Variants in ZNF582 observed in about 807,000 individuals in gnomAD.
The protein encoded by ZNF582 is zinc finger protein 582.
A neutral mutation model predicts 12.3 loss-of-function variants in ZNF582; 14 were observed. That is an observed-to-expected ratio of 1.14 (90% CI 0.75 to 1.78). The LOEUF (loss-of-function observed/expected upper bound fraction) is 1.78, where lower values mean the gene tolerates loss of function less well. Among genes scored for constraint, ZNF582 ranks in the 40% most tolerant of loss-of-function variants. ZNF582 has a pLI of 0.00. For missense variants in ZNF582, 567 were observed against 616.5 expected, an observed-to-expected ratio of 0.92 and a Z score of 0.85; for synonymous variants, 210 against 207.2, an observed-to-expected ratio of 1.01 and a Z score of -0.11.
intron 4 of ZNF582, among the ~76,000 whole-genome samples, chr19:56,389,502 A>G (rs915085597): frequency 6.6e-6 from 1 of 152,144 alleles, no homozygotes; most frequent in African/African-American, 2.4e-5. Flanking sequence ...GAGCGGGACA[A>G]CACACATGGG....
At chr19:56,393,350 G>T in exon 1 of ZNF582, 1 of 1,003,722 alleles carries the variant, frequency 1.0e-6, no homozygotes, top group Non-Finnish European at 1.4e-6. Flanking sequence ...GAGGCGAGAC[G>T]TCTGCGTTCT....
exon 5 of ZNF582, chr19:56,384,010 A>G (rs750582581): frequency 2.8e-5 from 45 of 1,613,900 alleles, no homozygotes; most frequent in Non-Finnish European, 3.6e-5. Context: ...GCATTCTCTG[A>G]GGTTGAACGG....
At position 56,383,807 on chromosome 19, in the gene ZNF582, T is replaced by C. The variant is rs978638346; in HGVS notation, c.*56A>G. ...CTGAATGAAGGCATTGTCACTGGCA[T>C]TACATTCTTCAAGTCTTTCTCCAAG... On this transcript the variant is annotated 3_prime_UTR_variant, in exon 5 of 5. Transcript: ENST00000586929. The C allele has an allele frequency of 2.7e-6, 4 of 1,496,908 alleles. No individual in the cohort carries two copies. In the East Asian group the frequency reaches 7.0e-5, roughly 26 times the overall value. 92.7% of individuals were successfully genotyped at this position (1,496,908 alleles called of 1,614,324 possible).
At chr19:56,391,665 G>T in intron 2 of ZNF582, 79 bp downstream of exon 2, 1 of 1,366,018 alleles carries the variant, frequency 7.3e-7, no homozygotes, top group Non-Finnish European at 1.0e-6. Context: ...GAAAGTCTGA[G>T]AACCAAATTT....
At chr19:56,384,236 G>C (rs1454463189) in exon 5 of ZNF582, 1 of 1,613,860 alleles carries the variant, frequency 6.2e-7, no homozygotes, top group East Asian at 2.2e-5. Flanking sequence ...ACATTGGTAG[G>C]GTTTCTCTCC....
exon 5 of ZNF582, chr19:56,382,911 A>G (rs143231094): frequency 2.0e-4 from 31 of 152,296 alleles, no homozygotes; most frequent in African/African-American, 7.2e-4. Flanking sequence ...AGCTTCAGGC[A>G]TCATGTTCTT....
chr19:56,385,163 G>T lies in ZNF582; in HGVS notation c.254C>A (p.Thr85Asn), dbSNP rs199764895. 2 of 1,603,236 alleles carry T rather than the reference G, an allele frequency of 1.2e-6. No individual in the cohort carries two copies. The highest frequency in any genetic ancestry group is 1.3e-5 in the African/African-American group (1 of 74,652). The change falls in exon 5 of 5, where the codon ACC (threonine) becomes AAC (asparagine). Residue 85 changes from threonine (T) to asparagine (N), a missense_variant. Coordinates refer to ENST00000586929, the Ensembl canonical transcript of ZNF582. Reference sequence around the variant, plus strand: ...ATGCTGCTTTGGAAATAATTCCTTGGTATCATATCTGGACTCCAATACTAA... The same window carrying T: ...ATGCTGCTTTGGAAATAATTCCTTGTTATCATATCTGGACTCCAATACTAA...
chr19:56,388,579 C>T (rs1249423258), intron 4 of ZNF582, among the ~76,000 whole-genome samples: 1 of 152,168 alleles, frequency 6.6e-6, no homozygotes, highest in Non-Finnish European at 1.5e-5. Flanking sequence ...AGTGCTTTCC[C>T]TCTGCCCACA....
At chr19:56,385,877 G>A (rs532485328) in intron 4 of ZNF582, among the ~76,000 whole-genome samples, 1 of 152,264 alleles carries the variant, frequency 6.6e-6, no homozygotes, top group African/African-American at 2.4e-5. Context: ...TGATTGAGGT[G>A]ATGGTTATGT....
At chr19:56,386,712 A>G (rs1348730058) in intron 4 of ZNF582, 2 of 152,242 alleles carry the variant, frequency 1.3e-5, no homozygotes, top group Non-Finnish European at 2.9e-5. Flanking sequence ...ATGCTCAGCT[A>G]ATTTTTGTGC....
rs554653575 is a variant in ZNF582, at chr19:56,390,866, T to C, written c.10-365A>G. ...TCACTTCTATCTTTTGGAATAACAA[T>C]AACAACAAAAAATATTTCTGATGGA... On this transcript the variant is annotated intron_variant, in intron 2 of 4. Transcript: ENST00000586929. Among the ~76,000 whole-genome samples the C allele has an allele frequency of 2.9e-4, 44 of 152,274 alleles. No homozygotes were observed. In the South Asian group the frequency reaches 8.3e-3, roughly 29 times the overall value.
At chr19:56,389,861 G>A (rs1236806843) in intron 4 of ZNF582, 140 bp downstream of exon 4, 15 of 621,730 alleles carry the variant, frequency 2.4e-5, no homozygotes, top group Non-Finnish European at 3.4e-5. Context: ...AAATGCTGCT[G>A]ACGAGCTGAG....
rs193266951 is a variant in ZNF582 at position 56,391,937 on chromosome 19, G to C, written c.-80-105C>G. The C allele has an allele frequency of 4.3e-4, 407 of 945,758 alleles. 2 individuals carry two copies. In the African/African-American group the frequency reaches 6.1e-3, roughly 14 times the overall value. The allele number at this position is 945,758 out of a possible 1,614,324, so 58.6% of individuals were successfully genotyped here. The stretch of plus-strand genomic sequence containing the variant: ...CTTGCCCTCTGCCCACCAAGAAAAT[G>C]AGAAGGAGGGGGAGGCAAAGGGATC... On this transcript the variant is annotated intron_variant, in intron 1 of 4. Coordinates refer to ENST00000586929, the Ensembl canonical transcript of ZNF582.
intron 4 of ZNF582, among the ~76,000 whole-genome samples, chr19:56,389,667 T>G (rs1467789895): frequency 6.6e-6 from 1 of 151,758 alleles, no homozygotes; most frequent in African/African-American, 2.4e-5. Context: ...ACTCCTGAAG[T>G]TAAAAAAAAT....
At chr19:56,389,827 G>A (rs572925226) in intron 4 of ZNF582, among the ~76,000 whole-genome samples, 174 bp downstream of exon 4, 1 of 152,150 alleles carries the variant, frequency 6.6e-6, no homozygotes, top group South Asian at 2.1e-4. Context: ...AGTGTTTCAG[G>A]AGGAAGGAGC....
intron 3 of ZNF582, 85 bp from the exon 4 acceptor site, chr19:56,390,181 G>A: frequency 1.4e-6 from 2 of 1,393,220 alleles, no homozygotes; most frequent in Non-Finnish European, 2.0e-6. Context: ...AAGCAGGAGA[G>A]GCAGTTGCAG....
exon 5 of ZNF582, chr19:56,385,123 T>C (rs2041954911): frequency 1.2e-6 from 2 of 1,612,928 alleles, no homozygotes; most frequent in South Asian, 2.2e-5. Context: ...ATTGGGGTGA[T>C]TCGACTTCAT....
At chr19:56,385,137 C>T (rs772299567) in exon 5 of ZNF582, 1 of 1,611,176 alleles carries the variant, frequency 6.2e-7, no homozygotes, top group Non-Finnish European at 8.5e-7. Context: ...ACTTCATAAA[C>T]ATGCTGCTTT....
At chr19:56,393,481 C>T (rs764778222) in exon 1 of ZNF582, 2 of 506,332 alleles carry the variant, frequency 3.9e-6, no homozygotes, top group East Asian at 1.1e-4. Flanking sequence ...GCGGCCGCGC[C>T]CCCGGCAGCC....
Sources: allele counts gnomAD v4.1 joint callset (sites outside exome capture counted in the v4.1 genomes callset), GRCh38; gene constraint gnomAD v4.1.1; transcripts MANE v1.5; gene names NCBI Gene and HGNC (gene_info 2026-07-23, HGNC 2026-07-21).